NDUFAF5: variants seen among roughly 807,000 people sequenced by gnomAD.
The protein encoded by NDUFAF5 is arginine-hydroxylase NDUFAF5, mitochondrial.
Under a neutral mutation model 48.9 loss-of-function variants are expected in NDUFAF5, and 34 were observed. The observed-to-expected ratio is 0.70, with a 90% CI of 0.53 to 0.93. NDUFAF5 has a LOEUF of 0.93. Among genes scored for constraint, NDUFAF5 ranks in the 40% least tolerant of loss-of-function variants. The pLI is 0.00. For missense variants in NDUFAF5, 428 were observed against 427.5 expected, an observed-to-expected ratio of 1.00 and a Z score of -0.01; for synonymous variants, 153 against 150.6, an observed-to-expected ratio of 1.02 and a Z score of -0.12.
rs34901599 is a variant in NDUFAF5 at position 13,816,533 on chromosome 20, G to A, written c.849G>A (p.Ala283=). The A allele has an allele frequency of 7.7e-3, 12,435 of 1,613,756 alleles. 657 individuals carry two copies. In the African/African-American group the frequency reaches 0.13, roughly 17 times the overall value. The part of the protein sequence containing the change: ...LLHRDTMLAA[A]AVYREMYRNE... ...ATCGAGACACAATGCTGGCAGCTGC[G>A]GCAGTGTACAGAGGTAAGGGGCGAC... is the stretch of plus-strand genomic sequence containing the variant. The change falls in exon 9 of 11, where the codon GCG becomes GCA. Residue 283 remains alanine, a synonymous_variant. Transcript: ENST00000378106.
intron 10 of NDUFAF5, 58 bp from the exon 11 acceptor site, chr20:13,817,060 A>G (rs990976413): frequency 6.4e-7 from 1 of 1,565,686 alleles, no homozygotes; most frequent in African/African-American, 1.4e-5. Flanking sequence ...TAAGGGCTTT[A>G]ATTGGGGCTG....
intron 4 of NDUFAF5, 96 bp downstream of exon 4, chr20:13,793,323 T>C: frequency 7.2e-6 from 8 of 1,112,496 alleles, no homozygotes; most frequent in Non-Finnish European, 1.1e-5. Context: ...TAGCTTTCTT[T>C]TCTGACACAT....
chr20:13,790,839 A>C (rs1982166507), intron 3 of NDUFAF5, among the ~76,000 whole-genome samples: 1 of 152,148 alleles, frequency 6.6e-6, no homozygotes, highest in Admixed American at 6.5e-5. Context: ...TCAGATCTTT[A>C]CTCAGCTGAC....
chr20:13,789,146 G>A (rs1306937383), intron 3 of NDUFAF5, among the ~76,000 whole-genome samples: 4 of 152,116 alleles, frequency 2.6e-5, no homozygotes, highest in East Asian at 1.9e-4. Context: ...ATATTGTGCT[G>A]GACACAAAGA....
chr20:13,790,905 C>T (rs898416510), intron 3 of NDUFAF5, among the ~76,000 whole-genome samples: 2 of 152,148 alleles, frequency 1.3e-5, no homozygotes, highest in Non-Finnish European at 2.9e-5. Flanking sequence ...TGCTTTCTGC[C>T]GACTAGTTGC....
chr20:13,815,683 G>C (rs1209262556), intron 8 of NDUFAF5, among the ~76,000 whole-genome samples: 1 of 152,154 alleles, frequency 6.6e-6, no homozygotes, highest in Non-Finnish European at 1.5e-5. Context: ...TTGATCATGT[G>C]TAAAATTTAA....
At chr20:13,815,993 C>A in intron 8 of NDUFAF5, 1 of 201,918 alleles carries the variant, frequency 5.0e-6, no homozygotes, top group Non-Finnish European at 1.0e-5. Context: ...TTGGTACTAT[C>A]TAATGAGTTT....
intron 7 of NDUFAF5, among the ~76,000 whole-genome samples, chr20:13,802,032 A>C (rs904181738): frequency 6.6e-6 from 1 of 152,184 alleles, no homozygotes; most frequent in Non-Finnish European, 1.5e-5. Context: ...ATAGGAAGAA[A>C]AGGGGATAAG....
chr20:13,785,317 G>C (rs995477853), intron 1 of NDUFAF5, 27 bp downstream of exon 1: 8 of 1,446,686 alleles, frequency 5.5e-6, no homozygotes, highest in Non-Finnish European at 7.7e-6. Flanking sequence ...GCGGGGCGGC[G>C]GGGCGGGCGA....
At chr20:13,793,424 C>T (rs1172034296) in intron 4 of NDUFAF5, among the ~76,000 whole-genome samples, 197 bp downstream of exon 4, 1 of 152,204 alleles carries the variant, frequency 6.6e-6, no homozygotes, top group Non-Finnish European at 1.5e-5. Flanking sequence ...CCATTGGTGG[C>T]ACTTGGTCTC....
intron 7 of NDUFAF5, among the ~76,000 whole-genome samples, chr20:13,806,422 T>A (rs1432122474): frequency 6.6e-6 from 1 of 152,114 alleles, no homozygotes; most frequent in East Asian, 1.9e-4. Flanking sequence ...GGCAGTAGAA[T>A]AGCTTGAACC....
In NDUFAF5 at chr20:13,792,363, G is replaced by A. The variant is rs577777079; in HGVS notation, c.328-817G>A. On this transcript the variant is annotated intron_variant, in intron 3 of 10. Transcript: ENST00000378106. ...AAGGGCAGCCAGAGTAGAAGCTTCT[G>A]AAGAAGCTTCTAGTAGGCTGTTGAC... 3.3e-5 allele frequency among the ~76,000 whole-genome samples: 5 copies of A among 152,336 alleles called. No individual in the cohort carries two copies. In the East Asian group the frequency reaches 9.7e-4, roughly 29 times the overall value.
chr20:13,801,168 A>G (rs967219146), intron 6 of NDUFAF5, among the ~76,000 whole-genome samples: 6 of 152,146 alleles, frequency 3.9e-5, no homozygotes, highest in Admixed American at 3.9e-4. Flanking sequence ...GCCTACCCCA[A>G]TTAAATTTTT....
intron 3 of NDUFAF5, 125 bp downstream of exon 3, chr20:13,788,777 G>GTTT: frequency 8.2e-6 from 4 of 488,718 alleles, no homozygotes; most frequent in East Asian, 4.0e-5. Flanking sequence ...TTGTTAATTT[G>GTTT]TTTTTTTTTT....
At chr20:13,799,191 G>A (rs1332367915) in intron 6 of NDUFAF5, among the ~76,000 whole-genome samples, 1 of 152,168 alleles carries the variant, frequency 6.6e-6, no homozygotes, top group African/African-American at 2.4e-5. Context: ...CAGTATTTAG[G>A]AGGATTTGAG....
At position 13,788,659 on chromosome 20, in the gene NDUFAF5, T is replaced by G; in HGVS notation, c.327+7T>G. ...TGCACAATATTTGAATAAGGTATATTTATTCAATGACCTAATTTACTTTGA... is the reference window on the plus strand; with the variant it reads ...TGCACAATATTTGAATAAGGTATATGTATTCAATGACCTAATTTACTTTGA... On this transcript the variant is annotated splice_region_variant and intron_variant, in intron 3 of 10. Coordinates refer to ENST00000378106, the MANE Select transcript of NDUFAF5 (RefSeq NM_024120.5). 2 of 1,579,684 alleles carry G rather than the reference T, an allele frequency of 1.3e-6. No individual in the cohort carries two copies.
In NDUFAF5 at chr20:13,818,020, G is replaced by A; in HGVS notation, c.*810G>A. 1 of 454,084 alleles carries A rather than the reference G, an allele frequency of 2.2e-6. No homozygotes were observed. The highest frequency in any genetic ancestry group is 4.4e-6 in the Non-Finnish European group (1 of 226,782). 28.1% of individuals were successfully genotyped at this position (454,084 alleles called of 1,614,324 possible). A position where few individuals can be genotyped will look rare whatever the true frequency, so the allele number is the denominator to read the frequency against. On this transcript the variant is annotated 3_prime_UTR_variant, in exon 11 of 11. Transcript: ENST00000378106. ...GTGAGCGCTAAGTGTTTTGTTTCCA[G>A]TTAGCTGTTCGCTGTCTTTTCCATT... is the stretch of plus-strand genomic sequence containing the variant.
In NDUFAF5 at chr20:13,785,065, G is replaced by A; in HGVS notation, c.-4G>A. 6.2e-7 allele frequency: 1 copy of A among 1,609,918 alleles called. No homozygotes were observed. The highest frequency in any genetic ancestry group is 8.5e-7 in the Non-Finnish European group (1 of 1,179,116). On this transcript the variant is annotated 5_prime_UTR_variant, in exon 1 of 11. The change creates a premature stop within an existing upstream ORF in the 5' untranslated region. Coordinates refer to ENST00000378106, the MANE Select transcript of NDUFAF5 (RefSeq NM_024120.5). ...AGCGCCGGCAATTGGGGTCGCAGCT[G>A]GAGATGCTGCGGCCGGCAGGGCTCT... is the stretch of plus-strand genomic sequence containing the variant.
intron 9 of NDUFAF5, 51 bp from the exon 10 acceptor site, chr20:13,816,824 A>G (rs1428112947): frequency 5.6e-6 from 7 of 1,248,476 alleles, no homozygotes; most frequent in Non-Finnish European, 5.9e-6. Flanking sequence ...TTGAGCAGAA[A>G]TTTTTTCCTA....
Sources: gnomAD v4.1 joint callset for allele counts (sites outside exome capture counted in the v4.1 genomes callset) on GRCh38, gnomAD v4.1.1 for gene constraint, MANE v1.5 for transcripts, NCBI Gene and HGNC (gene_info 2026-07-23, HGNC 2026-07-21) for gene names.